Variants in CTNNA3 observed in about 807,000 individuals in gnomAD.
CTNNA3 encodes the protein catenin alpha-3.
CTNNA3 carries 76 observed loss-of-function variants against 95.7 expected under a neutral mutation model. The ratio of observed to expected loss-of-function variants is 0.79; its 90% CI spans 0.66 to 0.96. The LOEUF is 0.96. CTNNA3 is among the 40% of genes least tolerant of loss of function. CTNNA3 has a pLI of 0.00. For missense variants in CTNNA3, 1,191 were observed against 1,089.8 expected, an observed-to-expected ratio of 1.09 and a Z score of -1.31; for synonymous variants, 431 against 374.4, an observed-to-expected ratio of 1.15 and a Z score of -1.74.
At chr10:66,261,004 A>C (rs1481386288) in intron 13 of CTNNA3, among the ~76,000 whole-genome samples, 1 of 152,036 alleles carries the variant, frequency 6.6e-6, no homozygotes, top group Non-Finnish European at 1.5e-5. Context: ...GAGTAATTTT[A>C]AGTTATTTGT....
intron 5 of CTNNA3, among the ~76,000 whole-genome samples, chr10:67,341,781 A>G (rs1160314568): frequency 6.6e-6 from 1 of 152,070 alleles, no homozygotes; most frequent in Admixed American, 6.6e-5. Flanking sequence ...ACTGTTCTCT[A>G]TAATGGTTGT....
intron 15 of CTNNA3, among the ~76,000 whole-genome samples, chr10:66,032,188 C>G (rs1283130417): frequency 6.6e-6 from 1 of 151,918 alleles, no homozygotes; most frequent in African/African-American, 2.4e-5. Context: ...TTCTTTAGTG[C>G]ACAATATTTC....
intron 7 of CTNNA3, among the ~76,000 whole-genome samples, chr10:66,894,958 A>C (rs1477431497): frequency 6.6e-6 from 1 of 150,944 alleles, no homozygotes; most frequent in East Asian, 1.9e-4. Context: ...GAGCATTTTC[A>C]ATATTGAAAA....
chr10:67,733,832 C>CT (rs1202872426), intron 1 of CTNNA3, among the ~76,000 whole-genome samples: 1 of 152,120 alleles, frequency 6.6e-6, no homozygotes, highest in East Asian at 1.9e-4. Flanking sequence ...GGCAGTCAGA[C>CT]CCTAAATTTG....
chr10:66,249,234 C>T (rs887350881), intron 13 of CTNNA3, among the ~76,000 whole-genome samples: 8 of 152,016 alleles, frequency 5.3e-5, no homozygotes, highest in Non-Finnish European at 7.4e-5. Flanking sequence ...TTGAGTAGTA[C>T]CCTACAAGCA....
intron 6 of CTNNA3, among the ~76,000 whole-genome samples, chr10:67,206,797 G>T (rs956052927): frequency 6.6e-6 from 1 of 151,366 alleles, no homozygotes; most frequent in Non-Finnish European, 1.5e-5. Flanking sequence ...TATTGTCTGC[G>T]AAGTAATTAA....
At chr10:66,650,063 T>G (rs1163602820) in intron 9 of CTNNA3, among the ~76,000 whole-genome samples, 1 of 152,162 alleles carries the variant, frequency 6.6e-6, no homozygotes, top group African/African-American at 2.4e-5. Context: ...AAAATATCAA[T>G]AAGTAAACAT....
At chr10:67,340,736 G>A (rs1842153556) in intron 5 of CTNNA3, among the ~76,000 whole-genome samples, 1 of 152,164 alleles carries the variant, frequency 6.6e-6, no homozygotes. Flanking sequence ...AAGTTGTTAA[G>A]CAATTTTACA....
At chr10:65,960,151 C>G (rs1419574245) in intron 17 of CTNNA3, among the ~76,000 whole-genome samples, 1 of 152,166 alleles carries the variant, frequency 6.6e-6, no homozygotes, top group Non-Finnish European at 1.5e-5. Flanking sequence ...GATTTATCAG[C>G]AAGAAATTCT....
intron 9 of CTNNA3, among the ~76,000 whole-genome samples, chr10:66,681,186 C>G (rs12257175): frequency 0.55 from 84,251 of 151,986 alleles, 24,100 homozygotes; most frequent in African/African-American, 0.68. Flanking sequence ...AGAAGAATTA[C>G]CCATTTGTTC....
chr10:67,572,971 C>A (rs550810373), intron 3 of CTNNA3, among the ~76,000 whole-genome samples: 1 of 152,240 alleles, frequency 6.6e-6, no homozygotes, highest in South Asian at 2.1e-4. Context: ...CACCTACAGT[C>A]CCAGCTACTC....
intron 9 of CTNNA3, among the ~76,000 whole-genome samples, chr10:66,692,949 G>C (rs898822837): frequency 3.3e-5 from 5 of 152,118 alleles, no homozygotes; most frequent in South Asian, 2.1e-4. Context: ...CCCTAAAAGA[G>C]CTCCTGAAGG....
intron 5 of CTNNA3, among the ~76,000 whole-genome samples, chr10:67,359,540 A>C (rs536855506): frequency 6.6e-6 from 1 of 152,234 alleles, no homozygotes; most frequent in South Asian, 2.1e-4. Flanking sequence ...AAAGAACCAA[A>C]CTGAACTTAT....
At chr10:67,651,898 T>C (rs935786298) in intron 1 of CTNNA3, among the ~76,000 whole-genome samples, 7 of 152,362 alleles carry the variant, frequency 4.6e-5, no homozygotes, top group African/African-American at 1.7e-4. Flanking sequence ...TCCAGTCTAA[T>C]TAAAGAGATC....
intron 9 of CTNNA3, among the ~76,000 whole-genome samples, chr10:66,744,981 T>C (rs899250482): frequency 6.6e-6 from 1 of 152,204 alleles, no homozygotes; most frequent in African/African-American, 2.4e-5. Flanking sequence ...TTAACTACAC[T>C]AACACAAAAG....
At chr10:66,062,316 T>G (rs1381585352) in intron 15 of CTNNA3, among the ~76,000 whole-genome samples, 4 of 152,156 alleles carry the variant, frequency 2.6e-5, no homozygotes, top group African/African-American at 9.6e-5. Context: ...ATTTTTAAAC[T>G]ATAGAGCTAT....
chr10:66,826,019 G>A (rs1026878383), intron 7 of CTNNA3, among the ~76,000 whole-genome samples: 3 of 152,096 alleles, frequency 2.0e-5, no homozygotes, highest in African/African-American at 7.2e-5. Flanking sequence ...TTATCCAAGT[G>A]TCATTTAGAA....
chr10:66,430,369 C>T (rs2093283326), intron 11 of CTNNA3, among the ~76,000 whole-genome samples: 1 of 152,124 alleles, frequency 6.6e-6, no homozygotes, highest in Non-Finnish European at 1.5e-5. Context: ...CTCAAGCTAC[C>T]AATGACTTTC....
At chr10:67,397,619 G>T (rs548684081) in intron 5 of CTNNA3, among the ~76,000 whole-genome samples, 98 of 152,306 alleles carry the variant, frequency 6.4e-4, no homozygotes, top group Admixed American at 4.2e-3. Context: ...TAAGTAACAA[G>T]GCCAAATGTA....
Sources: allele counts gnomAD v4.1 joint callset (sites outside exome capture counted in the v4.1 genomes callset), GRCh38; gene constraint gnomAD v4.1.1; transcripts MANE v1.5; gene names NCBI Gene and HGNC (gene_info 2026-07-23, HGNC 2026-07-21).